TTC7B: variants seen among roughly 807,000 people sequenced by gnomAD.
TTC7B encodes tetratricopeptide repeat protein 7B.
A neutral mutation model predicts 106.8 loss-of-function variants in TTC7B; 28 were observed. That is an observed-to-expected ratio of 0.26 (90% CI 0.19 to 0.36). The LOEUF is 0.36. TTC7B is among the 10% of genes least tolerant of loss of function. TTC7B has a pLI of 1.00. For missense variants in TTC7B, 862 were observed against 1,076.4 expected, an observed-to-expected ratio of 0.80 and a Z score of 2.79; for synonymous variants, 405 against 430.6, an observed-to-expected ratio of 0.94 and a Z score of 0.74.
intron 9 of TTC7B, among the ~76,000 whole-genome samples, chr14:90,674,165 G>GA (rs929575823): frequency 3.3e-5 from 5 of 151,696 alleles, no homozygotes; most frequent in East Asian, 1.9e-4. Flanking sequence ...AGATGAGGAG[G>GA]AAAAAAAAGT....
intron 9 of TTC7B, among the ~76,000 whole-genome samples, chr14:90,666,443 G>A (rs1191517725): frequency 6.6e-6 from 1 of 152,206 alleles, no homozygotes; most frequent in East Asian, 1.9e-4. Flanking sequence ...TTACAGGTGT[G>A]AGCCACCACA....
At chr14:90,574,012 C>A (rs1026768314) in intron 19 of TTC7B, among the ~76,000 whole-genome samples, 3 of 152,172 alleles carry the variant, frequency 2.0e-5, no homozygotes, top group Admixed American at 2.0e-4. Context: ...AGAGGGCAAC[C>A]AGATGTCAGT....
intron 7 of TTC7B, 121 bp from the exon 8 acceptor site, chr14:90,680,656 T>C: frequency 1.5e-6 from 1 of 669,442 alleles, no homozygotes; most frequent in South Asian, 1.9e-5. Context: ...TACTGTATAA[T>C]TTGGACACTT....
chr14:90,560,170 TC>T (rs1250919884), intron 19 of TTC7B, among the ~76,000 whole-genome samples: 21 of 152,318 alleles, frequency 1.4e-4, no homozygotes, highest in Admixed American at 6.5e-4. Flanking sequence ...ACCATCTGAG[TC>T]CAGTGGTGTC....
At chr14:90,718,674 C>T (rs1007587851) in intron 5 of TTC7B, among the ~76,000 whole-genome samples, 3 of 152,042 alleles carry the variant, frequency 2.0e-5, no homozygotes, top group Non-Finnish European at 2.9e-5. Flanking sequence ...ACAGGTGTTA[C>T]ATCAACTACT....
At chr14:90,694,964 G>T in intron 6 of TTC7B, among the ~76,000 whole-genome samples, 5 of 133,812 alleles carry the variant, frequency 3.7e-5, no homozygotes, top group Admixed American at 1.6e-4. Flanking sequence ...ATAAATATAT[G>T]TATAATATAT....
rs1006843070 is a variant in TTC7B, at chr14:90,527,061, A to C, written c.*14307T>G. On this transcript the variant is annotated 3_prime_UTR_variant, in exon 20 of 20. Coordinates refer to ENST00000328459, the MANE Select transcript of TTC7B (RefSeq NM_001010854.2). The stretch of plus-strand genomic sequence containing the variant: ...GGTATTGGTCAGGTATTTTGTAGAA[A>C]GTTCATCGGTTTGGGTTTGTCTGAT... 1 of 151,938 alleles carries C rather than the reference A, an allele frequency of 6.6e-6. No homozygotes were observed. Among genetic ancestry groups the C allele is most frequent in the African/African-American group, 2.4e-5 (1 of 41,344 alleles). The allele number at this position is 151,938 out of a possible 1,614,324, so 9.4% of individuals were successfully genotyped here.
intron 13 of TTC7B, 136 bp from the exon 14 acceptor site, chr14:90,647,159 A>C: frequency 1.4e-6 from 1 of 715,942 alleles, no homozygotes; most frequent in Non-Finnish European, 2.4e-6. Context: ...CTTCATTTAA[A>C]CTCTTCTTCT....
chr14:90,571,030 G>T (rs923375302), intron 19 of TTC7B, among the ~76,000 whole-genome samples: 1 of 151,988 alleles, frequency 6.6e-6, no homozygotes, highest in African/African-American at 2.4e-5. Flanking sequence ...ACGATTTCAC[G>T]ACTTTCTTGT....
At chr14:90,639,211 C>G (rs951104718) in intron 15 of TTC7B, among the ~76,000 whole-genome samples, 1 of 152,166 alleles carries the variant, frequency 6.6e-6, no homozygotes, top group East Asian at 1.9e-4. Flanking sequence ...CTTTCTATTA[C>G]TTTAAAATTA....
chr14:90,694,617 A>G (rs1468624748), intron 6 of TTC7B, among the ~76,000 whole-genome samples: 1 of 147,782 alleles, frequency 6.8e-6, no homozygotes, highest in Non-Finnish European at 1.5e-5. Context: ...TATATGTATA[A>G]TATATGTCAC....
chr14:90,732,953 CCTATT>C (rs1889381045), intron 4 of TTC7B, among the ~76,000 whole-genome samples: 1 of 152,158 alleles, frequency 6.6e-6, no homozygotes, highest in African/African-American at 2.4e-5. Context: ...AGCATCCTTT[CCTATT>C]CCTTCATTAC....
intron 5 of TTC7B, among the ~76,000 whole-genome samples, chr14:90,709,981 GA>G (rs71461919): frequency 6.7e-4 from 51 of 76,584 alleles, no homozygotes; most frequent in East Asian, 3.3e-3. Context: ...TTATGTGCCA[GA>G]AAAAAAAAAA....
At chr14:90,617,814 C>A in intron 16 of TTC7B, 115 bp downstream of exon 16, 1 of 763,752 alleles carries the variant, frequency 1.3e-6, no homozygotes, top group South Asian at 1.6e-5. Flanking sequence ...TTGTGGGGGC[C>A]TGGAGGTGCA....
chr14:90,785,971 C>T (rs1295909219), intron 2 of TTC7B, among the ~76,000 whole-genome samples: 1 of 152,198 alleles, frequency 6.6e-6, no homozygotes, highest in East Asian at 1.9e-4. Context: ...CAGAGAGACC[C>T]TATTGGCCCA....
intron 4 of TTC7B, among the ~76,000 whole-genome samples, chr14:90,740,453 C>T (rs920678561): frequency 5.3e-5 from 8 of 149,926 alleles, no homozygotes; most frequent in East Asian, 1.9e-4. Flanking sequence ...CAAATTCTCC[C>T]GAAAAAGTTA....
At chr14:90,672,375 T>A (rs1171021999) in intron 9 of TTC7B, among the ~76,000 whole-genome samples, 3 of 152,210 alleles carry the variant, frequency 2.0e-5, no homozygotes, top group South Asian at 2.1e-4. Context: ...AAGGGGCACA[T>A]GTAAAGTCTG....
At chr14:90,667,546 T>G (rs1013372704) in intron 9 of TTC7B, among the ~76,000 whole-genome samples, 2 of 152,242 alleles carry the variant, frequency 1.3e-5, no homozygotes, top group African/African-American at 2.4e-5. Flanking sequence ...ATTCTTCTCA[T>G]GCATGGATCT....
chr14:90,598,263 C>G (rs942161419), intron 17 of TTC7B, among the ~76,000 whole-genome samples: 1 of 152,234 alleles, frequency 6.6e-6, no homozygotes, highest in Non-Finnish European at 1.5e-5. Context: ...CGTCAAACGG[C>G]CCGAATGGTG....
Sources: allele counts gnomAD v4.1 joint callset (sites outside exome capture counted in the v4.1 genomes callset), GRCh38; gene constraint gnomAD v4.1.1; transcripts MANE v1.5; gene names NCBI Gene and HGNC (gene_info 2026-07-23, HGNC 2026-07-21).